The following SRBD1 variants were observed in gnomAD, a reference collection of about 807,000 sequenced individuals.
The protein encoded by SRBD1 is S1 RNA-binding domain-containing protein 1.
A neutral mutation model predicts 115.3 loss-of-function variants in SRBD1; 88 were observed. The ratio of observed to expected loss-of-function variants is 0.76; its 90% CI spans 0.64 to 0.91. The LOEUF is 0.91. SRBD1 is among the 40% of genes least tolerant of loss of function. The pLI is 0.00. For synonymous variants in SRBD1, 509 were observed against 407.7 expected, an observed-to-expected ratio of 1.25 and a Z score of -2.99; for missense variants, 1,385 against 1,177.4, an observed-to-expected ratio of 1.18 and a Z score of -2.58.
At chr2:45,500,511 C>G (rs2103891483) in intron 14 of SRBD1, among the ~76,000 whole-genome samples, 1 of 152,150 alleles carries the variant, frequency 6.6e-6, no homozygotes, top group East Asian at 1.9e-4. Context: ...CAACCTCCAC[C>G]TCCCACACTC....
chr2:45,480,052 T>C (rs1669914015), intron 15 of SRBD1, among the ~76,000 whole-genome samples: 1 of 152,180 alleles, frequency 6.6e-6, no homozygotes, highest in African/African-American at 2.4e-5. Flanking sequence ...TTACTGAATA[T>C]TTTAAGCTCA....
At chr2:45,578,945 T>C (rs914067582) in intron 7 of SRBD1, among the ~76,000 whole-genome samples, 2 of 152,212 alleles carry the variant, frequency 1.3e-5, no homozygotes, top group Non-Finnish European at 2.9e-5. Flanking sequence ...CACTTCACTA[T>C]GTATTAATAT....
intron 19 of SRBD1, among the ~76,000 whole-genome samples, chr2:45,403,633 C>T (rs1418669307): frequency 6.6e-6 from 1 of 151,984 alleles, no homozygotes; most frequent in Admixed American, 6.6e-5. Flanking sequence ...TTTTCAGATG[C>T]ATTATTTATT....
chr2:45,435,782 T>A (rs1049187397), intron 16 of SRBD1, among the ~76,000 whole-genome samples: 5 of 152,082 alleles, frequency 3.3e-5, no homozygotes, highest in East Asian at 1.9e-4. Flanking sequence ...AACAAAATTT[T>A]AAAAAATAAT....
chr2:45,420,349 A>G (rs1284967268), intron 16 of SRBD1, among the ~76,000 whole-genome samples: 4 of 152,178 alleles, frequency 2.6e-5, no homozygotes, highest in Non-Finnish European at 5.9e-5. Flanking sequence ...AGTGTTATGG[A>G]GAAGAAAACA....
intron 16 of SRBD1, among the ~76,000 whole-genome samples, chr2:45,421,136 C>T (rs1002167496): frequency 1.3e-5 from 2 of 152,078 alleles, no homozygotes; most frequent in Non-Finnish European, 2.9e-5. Context: ...GAAACTACAC[C>T]ATGATTTACC....
chr2:45,401,665 C>G (rs949423600), intron 19 of SRBD1, among the ~76,000 whole-genome samples: 3 of 152,194 alleles, frequency 2.0e-5, no homozygotes, highest in Non-Finnish European at 4.4e-5. Context: ...CAGGAGTTAG[C>G]TGGCATGCCA....
Position 45,581,761 on chromosome 2 carries a change from C to T in SRBD1, c.865G>A (p.Gly289Arg), listed in dbSNP as rs903799355. 6.8e-6 allele frequency: 11 copies of T among 1,613,542 alleles called. No individual in the cohort carries two copies. Among genetic ancestry groups the T allele is most frequent in the Non-Finnish European group, 9.3e-6 (11 of 1,179,780 alleles). Reference protein sequence around the residue: ...HSTIQKIKKEGKMSECLLKAM... With the variant: ...HSTIQKIKKERKMSECLLKAM... ...TTTAACAAGCACTCAGACATCTTCC[C>T]TTCCTTCTTAATTTTCTGGATTGTA... The change falls in exon 6 of 21, where the codon GGG becomes AGG. Residue 289 changes from glycine to arginine, a missense_variant. Coordinates refer to ENST00000263736, the MANE Select transcript of SRBD1 (RefSeq NM_018079.5).
At chr2:45,420,478 G>A (rs1667963563) in intron 16 of SRBD1, among the ~76,000 whole-genome samples, 1 of 152,192 alleles carries the variant, frequency 6.6e-6, no homozygotes, top group African/African-American at 2.4e-5. Flanking sequence ...GAAGAAAATA[G>A]TCAATTAAAC....
chr2:45,484,251 A>G (rs2103841618), intron 15 of SRBD1, among the ~76,000 whole-genome samples: 1 of 152,254 alleles, frequency 6.6e-6, no homozygotes, highest in African/African-American at 2.4e-5. Flanking sequence ...CCCAGTGGTA[A>G]GGCTTGTCAA....
At chr2:45,603,957 G>A (rs918713549) in intron 2 of SRBD1, among the ~76,000 whole-genome samples, 3 of 152,014 alleles carry the variant, frequency 2.0e-5, no homozygotes, top group Admixed American at 6.6e-5. Context: ...CTGAATTCCC[G>A]ATTCCACCAC....
At chr2:45,584,355 T>C (rs998715705) in intron 5 of SRBD1, among the ~76,000 whole-genome samples, 3 of 152,196 alleles carry the variant, frequency 2.0e-5, no homozygotes, top group Non-Finnish European at 4.4e-5. Context: ...TCTGGAACAT[T>C]TGCATCTGAG....
rs115177799 is a variant in SRBD1 at position 45,528,283 on chromosome 2, T to C, written c.1874+18449A>G. 2.6e-3 allele frequency among the ~76,000 whole-genome samples: 392 copies of C among 151,912 alleles called. 3 individuals carry two copies. The highest frequency in any genetic ancestry group is 9.2e-3 in the African/African-American group (380 of 41,484). ...CAAGAGACTATACATGAAAAGTAGG[T>C]TGAGGCCAGCTCATGAAAGCCTTAA... is the stretch of plus-strand genomic sequence containing the variant. On this transcript the variant is annotated intron_variant, in intron 14 of 20. Coordinates refer to ENST00000263736, the MANE Select transcript of SRBD1 (RefSeq NM_018079.5).
At chr2:45,442,033 G>A (rs900690806) in intron 16 of SRBD1, among the ~76,000 whole-genome samples, 5 of 152,054 alleles carry the variant, frequency 3.3e-5, no homozygotes, top group African/African-American at 1.2e-4. Flanking sequence ...TCTTTTCCTG[G>A]GAACTCAAAA....
intron 14 of SRBD1, among the ~76,000 whole-genome samples, chr2:45,513,595 T>C (rs751032623): frequency 1.3e-5 from 2 of 152,140 alleles, no homozygotes; most frequent in South Asian, 2.1e-4. Context: ...TTAGGACCTA[T>C]AAAGAACAAA....
At chr2:45,560,355 T>A (rs1259941355) in intron 10 of SRBD1, among the ~76,000 whole-genome samples, 1 of 152,356 alleles carries the variant, frequency 6.6e-6, no homozygotes, top group South Asian at 2.1e-4. Flanking sequence ...CTGAGTATTA[T>A]GAATATTTAC....
intron 5 of SRBD1, among the ~76,000 whole-genome samples, chr2:45,583,879 C>A (rs1673438960): frequency 6.6e-6 from 1 of 152,060 alleles, no homozygotes; most frequent in Non-Finnish European, 1.5e-5. Flanking sequence ...TCATAGAAAC[C>A]CAGAGAATGG....
At chr2:45,437,987 T>C (rs1323061821) in intron 16 of SRBD1, among the ~76,000 whole-genome samples, 2 of 152,182 alleles carry the variant, frequency 1.3e-5, no homozygotes, top group African/African-American at 4.8e-5. Context: ...AAACCCATAA[T>C]GTGTAACATT....
At chr2:45,597,201 A>C (rs1158804031) in intron 4 of SRBD1, among the ~76,000 whole-genome samples, 1 of 152,144 alleles carries the variant, frequency 6.6e-6, no homozygotes, top group African/African-American at 2.4e-5. Flanking sequence ...TGGGCGGATC[A>C]CCAGGTCAGA....
Sources: gnomAD v4.1 joint callset for allele counts (sites outside exome capture counted in the v4.1 genomes callset) on GRCh38, gnomAD v4.1.1 for gene constraint, MANE v1.5 for transcripts, NCBI Gene and HGNC (gene_info 2026-07-23, HGNC 2026-07-21) for gene names.